The following SGCZ variants were observed in gnomAD, a reference collection of about 807,000 sequenced individuals.
SGCZ encodes the protein sarcoglycan zeta.
Under a neutral mutation model 41.3 loss-of-function variants are expected in SGCZ, and 40 were observed. The ratio of observed to expected loss-of-function variants is 0.97; its 90% CI spans 0.75 to 1.26. SGCZ has a LOEUF of 1.26. Among genes scored for constraint, SGCZ ranks in the 50% most tolerant of loss-of-function variants. SGCZ has a pLI of 0.00. For missense variants in SGCZ, 552 were observed against 369.8 expected, an observed-to-expected ratio of 1.49 and a Z score of -4.04; for synonymous variants, 206 against 137.5, an observed-to-expected ratio of 1.50 and a Z score of -3.49.
intron 1 of SGCZ, among the ~76,000 whole-genome samples, chr8:14,839,349 A>G (rs1384584114): frequency 1.3e-5 from 2 of 152,280 alleles, no homozygotes; most frequent in East Asian, 3.9e-4. Context: ...CAGAGGACCC[A>G]TTGTGTGGGC....
chr8:15,071,109 T>A (rs1805334959), intron 1 of SGCZ, among the ~76,000 whole-genome samples: 1 of 152,302 alleles, frequency 6.6e-6, no homozygotes, highest in Non-Finnish European at 1.5e-5. Context: ...AAAAACTTGA[T>A]TTGTTAAGCA....
chr8:14,212,033 C>T (rs1441948708), intron 4 of SGCZ, among the ~76,000 whole-genome samples: 2 of 152,122 alleles, frequency 1.3e-5, no homozygotes, highest in African/African-American at 4.8e-5. Flanking sequence ...GACTGTTCCT[C>T]TATCTGCTAT....
intron 1 of SGCZ, among the ~76,000 whole-genome samples, chr8:15,078,544 A>C (rs1805628933): frequency 1.3e-5 from 2 of 152,138 alleles, no homozygotes; most frequent in African/African-American, 2.4e-5. Flanking sequence ...CAGATATACC[A>C]CAGGTTAGAT....
intron 1 of SGCZ, among the ~76,000 whole-genome samples, chr8:14,770,247 G>C (rs1339126525): frequency 6.6e-6 from 1 of 151,468 alleles, no homozygotes; most frequent in African/African-American, 2.4e-5. Context: ...ACGAGTTCTA[G>C]CAGACTAGTA....
At chr8:14,447,755 C>A (rs181535797) in intron 2 of SGCZ, among the ~76,000 whole-genome samples, 2 of 152,144 alleles carry the variant, frequency 1.3e-5, no homozygotes, top group East Asian at 3.9e-4. Context: ...TGAAAGACTC[C>A]ATCTGGCTTT....
chr8:14,619,482 G>T (rs1304164092), intron 1 of SGCZ, among the ~76,000 whole-genome samples: 2 of 152,088 alleles, frequency 1.3e-5, no homozygotes. Context: ...ATTCAATTAG[G>T]AAAAGAAGAA....
chr8:14,926,676 C>G (rs1397789792), intron 1 of SGCZ, among the ~76,000 whole-genome samples: 2 of 151,868 alleles, frequency 1.3e-5, no homozygotes, highest in Middle Eastern at 3.2e-3. Flanking sequence ...CAGTCTCGCT[C>G]TGTTGCCAGA....
intron 1 of SGCZ, among the ~76,000 whole-genome samples, chr8:15,172,060 C>T (rs1027687812): frequency 6.7e-6 from 1 of 148,500 alleles, no homozygotes; most frequent in African/African-American, 2.5e-5. Flanking sequence ...CCAATTTCTA[C>T]ACAAAACAAA....
rs541842002 is a variant in SGCZ, at chr8:14,134,215, A to ATATT, written c.548-25984_548-25981dup. Among the ~76,000 whole-genome samples, 446 of 152,288 alleles carry ATATT rather than the reference A, an allele frequency of 2.9e-3. 1 individual carries two copies. The highest frequency in any genetic ancestry group is 1.0e-2 in the African/African-American group (415 of 41,568). On this transcript the variant is annotated intron_variant, in intron 5 of 7. Transcript: ENST00000382080. Reference sequence around the variant, plus strand: ...TTCCATTTTCACTAGGCACAATTAGATATTAGATAATAGATATGTGAAATT... The same window carrying ATATT: ...TTCCATTTTCACTAGGCACAATTAGATATTTATTAGATAATAGATATGTGAAATT...
intron 1 of SGCZ, among the ~76,000 whole-genome samples, chr8:15,182,794 CT>C (rs1563170396): frequency 6.6e-6 from 1 of 152,082 alleles, no homozygotes; most frequent in African/African-American, 2.4e-5. Flanking sequence ...GTTACTGAAA[CT>C]TTTTTACTTT....
At chr8:14,091,705 G>C (rs1471760301) in intron 7 of SGCZ, among the ~76,000 whole-genome samples, 3 of 152,096 alleles carry the variant, frequency 2.0e-5, no homozygotes, top group Non-Finnish European at 4.4e-5. Context: ...GTTTGTTTAA[G>C]TTCTTTGTAG....
intron 7 of SGCZ, among the ~76,000 whole-genome samples, chr8:14,091,781 C>T (rs1323248110): frequency 2.6e-5 from 4 of 152,076 alleles, no homozygotes; most frequent in Admixed American, 1.3e-4. Context: ...CTGTAGGTTG[C>T]CTGTTCACTC....
At chr8:14,104,355 C>CTGTT (rs1416689965) in intron 6 of SGCZ, among the ~76,000 whole-genome samples, 1 of 151,568 alleles carries the variant, frequency 6.6e-6, no homozygotes, top group Non-Finnish European at 1.5e-5. Context: ...TCAAAGCATT[C>CTGTT]TGTTTTTTTA....
chr8:14,090,951 T>C (rs1175073553), intron 7 of SGCZ, among the ~76,000 whole-genome samples: 2 of 151,954 alleles, frequency 1.3e-5, no homozygotes, highest in Non-Finnish European at 2.9e-5. Context: ...TGACAGTCTC[T>C]CAATTTAATT....
At chr8:14,816,555 A>G (rs1003885342) in intron 1 of SGCZ, among the ~76,000 whole-genome samples, 3 of 152,198 alleles carry the variant, frequency 2.0e-5, no homozygotes, top group East Asian at 1.9e-4. Context: ...AAAGCATACA[A>G]TGGAATGATG....
intron 5 of SGCZ, among the ~76,000 whole-genome samples, chr8:14,118,052 A>G (rs1262666414): frequency 6.6e-6 from 1 of 151,922 alleles, no homozygotes; most frequent in African/African-American, 2.4e-5. Context: ...ATAGCTGTGC[A>G]TGTGTCTTTA....
At chr8:14,823,105 A>G (rs181630956) in intron 1 of SGCZ, among the ~76,000 whole-genome samples, 2 of 150,010 alleles carry the variant, frequency 1.3e-5, no homozygotes, top group Admixed American at 6.8e-5. Flanking sequence ...CGTGCAAAAC[A>G]TGAAACCGTG....
intron 1 of SGCZ, among the ~76,000 whole-genome samples, chr8:14,605,311 C>G (rs117693694): frequency 1.3e-5 from 2 of 151,334 alleles, no homozygotes. Context: ...TTATGGGGTA[C>G]GTGAGATATT....
chr8:15,080,576 A>G (rs1485343570), intron 1 of SGCZ, among the ~76,000 whole-genome samples: 1 of 152,036 alleles, frequency 6.6e-6, no homozygotes, highest in East Asian at 1.9e-4. Flanking sequence ...CCCTAATCTA[A>G]TATGCTTGGT....
Sources: allele counts gnomAD v4.1 joint callset (sites outside exome capture counted in the v4.1 genomes callset), GRCh38; gene constraint gnomAD v4.1.1; transcripts MANE v1.5; gene names NCBI Gene and HGNC (gene_info 2026-07-23, HGNC 2026-07-21).